Variants in ANK2 observed in about 807,000 individuals in gnomAD.
ANK2 encodes the protein ankyrin-2.
In ANK2, 83 loss-of-function variants were observed where a neutral mutation model predicts 360.5. The ratio of observed to expected loss-of-function variants is 0.23; its 90% confidence interval spans 0.19 to 0.28. The LOEUF (loss-of-function observed/expected upper bound fraction) is 0.28, where lower values mean the gene tolerates loss of function less well. Ranked by LOEUF, ANK2 falls within the 10% of genes least tolerant of loss-of-function variation. The probability of loss-of-function intolerance (pLI) is 1.00; values close to 1 mark genes in which losing one functional copy is unlikely to be tolerated. For missense variants in ANK2, 4,201 were observed against 4,795.7 expected (o/e 0.88, Z 3.66); for synonymous variants, 1,740 against 1,759.5 (o/e 0.99, Z 0.28).
intron 2 of ANK2, among the ~76,000 whole-genome samples, chr4:113,003,769 C>T (rs114321870): frequency 7.2e-5 from 11 of 152,294 alleles, no homozygotes; most frequent in Admixed American, 1.3e-4. Context: ...TGTCGCTTAA[C>T]GACAGGGATA....
the ANK2 span, among the ~76,000 whole-genome samples, chr4:112,736,298 A>G: frequency 1.8e-4 from 27 of 152,116 alleles, no homozygotes; most frequent in Admixed American, 3.3e-4. Context: ...CCCCATCTCT[A>G]CTAATATACA....
At chr4:113,303,933 C>T (rs1356971296) in intron 23 of ANK2, among the ~76,000 whole-genome samples, 1 of 152,100 alleles carries the variant, frequency 6.6e-6, no homozygotes, top group Non-Finnish European at 1.5e-5. Context: ...TAAGATAAAA[C>T]TTTACATTGA....
rs527673690 is a variant in ANK2 at position 113,262,912 on chromosome 4, G to A, written c.1387-1985G>A. On this transcript the variant is annotated intron_variant, in intron 13 of 45. Transcript: ENST00000357077. ...GTAGTTAGAAGATTTTAGCCTTGCC[G>A]GGCACGGTGGCTCACACCTGTAATC... Among the ~76,000 whole-genome samples, 13 of 151,824 alleles carry A rather than the reference G, an allele frequency of 8.6e-5. 1 individual carries two copies. Among genetic ancestry groups the A allele is most frequent in the African/African-American group, 2.4e-4 (10 of 41,254 alleles).
At chr4:112,779,538 G>A in the ANK2 span, among the ~76,000 whole-genome samples, 2 of 151,568 alleles carry the variant, frequency 1.3e-5, no homozygotes. Context: ...AAAAAAAAAG[G>A]CCATTTTATT....
chr4:112,832,971 A>G (rs915381160), intron 1 of ANK2, among the ~76,000 whole-genome samples: 1 of 152,220 alleles, frequency 6.6e-6, no homozygotes, highest in Non-Finnish European at 1.5e-5. Flanking sequence ...GTAGCATACT[A>G]TATGTTAGGA....
At chr4:113,159,362 T>C (rs1054655226) in intron 1 of ANK2, among the ~76,000 whole-genome samples, 7 of 152,258 alleles carry the variant, frequency 4.6e-5, no homozygotes, top group African/African-American at 1.7e-4. Context: ...AACTTTCTCC[T>C]TCGTATCTTG....
At chr4:113,167,386 G>T (rs2097784828) in intron 1 of ANK2, among the ~76,000 whole-genome samples, 1 of 149,706 alleles carries the variant, frequency 6.7e-6, no homozygotes, top group African/African-American at 2.5e-5. Context: ...TGCAACCTCT[G>T]CCTCCCGGAT....
chr4:113,097,948 T>A (rs1440959144), intron 1 of ANK2, among the ~76,000 whole-genome samples: 1 of 149,760 alleles, frequency 6.7e-6, no homozygotes, highest in East Asian at 2.0e-4. Flanking sequence ...AATGTGCTTG[T>A]GTATATATAA....
chr4:113,332,914 G>A (rs2092796178), intron 28 of ANK2, 140 bp from the exon 29 acceptor site: 2 of 1,233,162 alleles, frequency 1.6e-6, no homozygotes, highest in Non-Finnish European at 2.3e-6. Context: ...CTGCTAGCCA[G>A]TGGGCTCCAG....
Position 113,302,183 on chromosome 4 carries a change from G to A in ANK2, c.2476-584G>A, listed in dbSNP as rs80234265. On this transcript the variant is annotated intron_variant, in intron 22 of 45. Transcript: ENST00000357077. ...CTTACACTGTACATGAGGAATGAAA[G>A]GCAGTGGATTGACAACCTTGGAGAG... 9.9e-3 allele frequency among the ~76,000 whole-genome samples: 1,506 copies of A among 152,256 alleles called. 22 individuals are homozygous for A. The highest frequency in any genetic ancestry group is 0.033 in the African/African-American group (1,385 of 41,556).
intron 1 of ANK2, among the ~76,000 whole-genome samples, chr4:113,158,117 C>G (rs1199586520): frequency 6.6e-6 from 1 of 152,060 alleles, no homozygotes; most frequent in Non-Finnish European, 1.5e-5. Context: ...AAAGAAAAAG[C>G]AAGTTTAGAT....
In ANK2 at chr4:112,890,556, G is replaced by T. The variant is rs867484240; in HGVS notation, c.-39-13899G>T. Among the ~76,000 whole-genome samples the T allele has an allele frequency of 4.2e-3, 283 of 67,428 alleles. 1 individual carries two copies. Among genetic ancestry groups the T allele is most frequent in the Admixed American group, 7.9e-3 (37 of 4,666 alleles). 44.2% of individuals were successfully genotyped at this position (67,428 alleles called of 152,430 possible). A position where few individuals can be genotyped will look rare whatever the true frequency, so the allele number is the denominator to read the frequency against. The stretch of plus-strand genomic sequence containing the variant: ...GGAATTTATGATATACATTTCTGTG[G>T]TTTTTTTTTTTTTTTTTTTTTTTTT... On this transcript the variant is annotated intron_variant, in intron 1 of 30. Coordinates refer to the ANK2 transcript ENST00000503271.
chr4:113,072,142 C>T (rs1364590325), intron 1 of ANK2, among the ~76,000 whole-genome samples: 1 of 152,200 alleles, frequency 6.6e-6, no homozygotes, highest in Non-Finnish European at 1.5e-5. Context: ...CAGTAGGCAT[C>T]TAAAAACTCA....
At chr4:113,363,219 A>G in intron 39 of ANK2, 119 bp from the exon 40 acceptor site, 1 of 984,020 alleles carries the variant, frequency 1.0e-6, no homozygotes. Flanking sequence ...TGTAGAAATT[A>G]AGGAACTCAA....
chr4:112,819,946 T>C (rs2056525897), intron 1 of ANK2, among the ~76,000 whole-genome samples: 1 of 152,210 alleles, frequency 6.6e-6, no homozygotes, highest in African/African-American at 2.4e-5. Flanking sequence ...GCCACATGCC[T>C]AAAACTCTCT....
At chr4:113,295,255 C>G (rs2070548826) in intron 22 of ANK2, among the ~76,000 whole-genome samples, 2 of 152,290 alleles carry the variant, frequency 1.3e-5, no homozygotes, top group South Asian at 4.1e-4. Context: ...TCCCCACCAG[C>G]AACTTCAGTG....
intron 1 of ANK2, among the ~76,000 whole-genome samples, chr4:112,872,272 C>T (rs965261642): frequency 3.9e-5 from 6 of 152,002 alleles, no homozygotes; most frequent in Non-Finnish European, 5.9e-5. Context: ...TCAAGCGATC[C>T]TCCTGCCTTG....
rs1471972343 is a variant in ANK2, at chr4:113,355,369, C to T, written c.6751C>T (p.Pro2251Ser). ...ETSPESLSFS[P>S]KKSEEQTGET... ...GAGCCCAGAAAGCCTTTCTTTCTCA[C>T]CAAAGAAAAGTGAGGAGCAAACTGG... Residue 2251 changes from proline to serine, a missense_variant, in exon 38 of 46, where the codon CCA becomes TCA. Transcript: ENST00000357077. 1 of 1,613,810 alleles carries T rather than the reference C, an allele frequency of 6.2e-7. No homozygotes were observed. The highest frequency in any genetic ancestry group is 1.3e-5 in the African/African-American group (1 of 74,874).
chr4:113,242,668 T>C (rs1047096861), intron 9 of ANK2, among the ~76,000 whole-genome samples: 1 of 152,216 alleles, frequency 6.6e-6, no homozygotes, highest in Non-Finnish European at 1.5e-5. Flanking sequence ...TATACTGACC[T>C]GAGCAGGGGA....
Sources: allele counts gnomAD v4.1 joint callset (sites outside exome capture counted in the v4.1 genomes callset), GRCh38; gene constraint gnomAD v4.1.1; transcripts MANE v1.5; gene names NCBI Gene and HGNC (gene_info 2026-07-23, HGNC 2026-07-21).